Variants in PRR11 observed in about 807,000 individuals in gnomAD.
PRR11 encodes the protein proline rich 11.
Under a neutral mutation model 45.6 loss-of-function variants are expected in PRR11, and 30 were observed. The ratio of observed to expected loss-of-function variants is 0.66; its 90% CI spans 0.49 to 0.89. The LOEUF (loss-of-function observed/expected upper bound fraction) is 0.89. Among genes scored for constraint, PRR11 ranks in the 40% least tolerant of loss-of-function variants. The probability of loss-of-function intolerance (pLI) is 0.00; values close to 1 mark genes in which losing one functional copy is unlikely to be tolerated. For synonymous variants in PRR11, 128 were observed against 153.5 expected (o/e 0.83, Z 1.23); for missense variants, 373 against 424.8 (o/e 0.88, Z 1.07).
At chr17:59,171,501 GA>G (rs1318117405) in intron 2 of PRR11, among the ~76,000 whole-genome samples, 1 of 152,014 alleles carries the variant, frequency 6.6e-6, no homozygotes, top group Non-Finnish European at 1.5e-5. Flanking sequence ...AAAGATTTAG[GA>G]TAAAAAGAAT....
intron 1 of PRR11, among the ~76,000 whole-genome samples, chr17:59,161,581 T>G (rs1307091353): frequency 6.6e-6 from 1 of 151,764 alleles, no homozygotes; most frequent in African/African-American, 2.4e-5. Flanking sequence ...AAACCCTGTC[T>G]CAACTAAAAA....
intron 2 of PRR11, among the ~76,000 whole-genome samples, chr17:59,176,684 CTTTTTTTTTTTTTTTTT>C (rs71367676): frequency 2.6e-4 from 10 of 39,002 alleles, no homozygotes; most frequent in Non-Finnish European, 2.2e-4. Context: ...GTTTTTTTGG[CTTTTTTTTTTTTTTTTT>C]TTTTTTTTTT....
intron 2 of PRR11, chr17:59,179,788 C>T (rs1332113507): frequency 3.7e-6 from 5 of 1,366,894 alleles, no homozygotes; most frequent in African/African-American, 1.4e-5. Flanking sequence ...TCTCTGGCTC[C>T]TCCTCCGATG....
chr17:59,183,040 G>A (rs1213366729), intron 2 of PRR11, among the ~76,000 whole-genome samples: 1 of 152,196 alleles, frequency 6.6e-6, no homozygotes, highest in Non-Finnish European at 1.5e-5. Flanking sequence ...TGCCCATGGA[G>A]TCCAGTCCTT....
At chr17:59,194,439 T>C (rs933681239) in intron 5 of PRR11, among the ~76,000 whole-genome samples, 1 of 152,170 alleles carries the variant, frequency 6.6e-6, no homozygotes, top group Non-Finnish European at 1.5e-5. Flanking sequence ...GATTAACTCC[T>C]TCAACTCTTG....
At chr17:59,196,837 G>A (rs192472794) in intron 7 of PRR11, among the ~76,000 whole-genome samples, 1 of 151,892 alleles carries the variant, frequency 6.6e-6, no homozygotes, top group Non-Finnish European at 1.5e-5. Context: ...TGTTCCCATC[G>A]GCATCTACTG....
intron 2 of PRR11, among the ~76,000 whole-genome samples, chr17:59,173,484 G>A (rs188724707): frequency 6.6e-6 from 1 of 152,202 alleles, no homozygotes; most frequent in Non-Finnish European, 1.5e-5. Context: ...TCTGAAGCCA[G>A]TGAGACCACG....
intron 2 of PRR11, 120 bp from the exon 3 acceptor site, chr17:59,184,934 C>A: frequency 1.7e-6 from 1 of 605,550 alleles, no homozygotes; most frequent in Non-Finnish European, 2.5e-6. Context: ...TGGTCTCAAG[C>A]AATCTCCTCA....
rs1405381049 is a variant in PRR11 at position 59,202,755 on chromosome 17, T to C, written c.*1124T>C. ...TTCGACAATGCCTTGCCAAGGAATC[T>C]CTGAAGTCCATAGCAGGTCACTGTG... On this transcript the variant is annotated 3_prime_UTR_variant, in exon 10 of 10. Transcript: ENST00000262293. The C allele has an allele frequency of 6.6e-6, 1 of 152,186 alleles. No individual in the cohort carries two copies. The highest frequency in any genetic ancestry group is 1.5e-5 in the Non-Finnish European group (1 of 68,044). 9.4% of individuals were successfully genotyped at this position (152,186 alleles called of 1,614,324 possible).
intron 9 of PRR11, among the ~76,000 whole-genome samples, chr17:59,198,715 T>C (rs1298971671): frequency 6.6e-6 from 1 of 151,566 alleles, no homozygotes; most frequent in Non-Finnish European, 1.5e-5. Flanking sequence ...CTCGTGCCTG[T>C]AATCCCGGCT....
At chr17:59,187,634 G>C (rs1183109066) in intron 4 of PRR11, among the ~76,000 whole-genome samples, 1 of 152,062 alleles carries the variant, frequency 6.6e-6, no homozygotes, top group Non-Finnish European at 1.5e-5. Context: ...GGAGGCCGAG[G>C]TGGGCAGATC....
intron 2 of PRR11, among the ~76,000 whole-genome samples, chr17:59,171,247 A>G (rs996777323): frequency 6.6e-6 from 1 of 152,098 alleles, no homozygotes; most frequent in Non-Finnish European, 1.5e-5. Context: ...TGGGAGAAAG[A>G]GCGAGACTCC....
chr17:59,178,126 G>A (rs2046759045), intron 2 of PRR11, among the ~76,000 whole-genome samples: 1 of 152,026 alleles, frequency 6.6e-6, no homozygotes, highest in Non-Finnish European at 1.5e-5. Flanking sequence ...CTGAGGTCAG[G>A]TGTTCAAGAC....
intron 1 of PRR11, among the ~76,000 whole-genome samples, chr17:59,157,425 G>A (rs1599687274): frequency 6.6e-6 from 1 of 152,246 alleles, no homozygotes; most frequent in East Asian, 1.9e-4. Context: ...AAGGAGGCTG[G>A]GCATGGTGCC....
At chr17:59,191,376 G>A (rs1388354854) in intron 4 of PRR11, among the ~76,000 whole-genome samples, 4 of 151,600 alleles carry the variant, frequency 2.6e-5, no homozygotes, top group Admixed American at 6.6e-5. Context: ...CCACCACCAC[G>A]CCTCGCTAAT....
intron 4 of PRR11, among the ~76,000 whole-genome samples, chr17:59,189,136 T>TA (rs1163718547): frequency 1.3e-5 from 2 of 150,932 alleles, no homozygotes; most frequent in East Asian, 4.0e-4. Flanking sequence ...CCCTCTCTAC[T>TA]AAAAAACACA....
chr17:59,160,491 G>C (rs138244192), intron 1 of PRR11, among the ~76,000 whole-genome samples: 1 of 151,976 alleles, frequency 6.6e-6, no homozygotes, highest in Non-Finnish European at 1.5e-5. Context: ...GTCTGGTCTC[G>C]AACTTGACCT....
At chr17:59,195,268 A>G (rs2046860203) in intron 6 of PRR11, 63 bp from the exon 7 acceptor site, 2 of 1,305,400 alleles carry the variant, frequency 1.5e-6, no homozygotes, top group Admixed American at 1.7e-5. Context: ...CCGTTTTTGC[A>G]TGTTTACATT....
In PRR11 at chr17:59,179,770, G is replaced by A. The variant is rs554874940; in HGVS notation, c.129-5284G>A. 17 of 1,382,814 alleles carry A rather than the reference G, an allele frequency of 1.2e-5. 1 individual carries two copies. Among genetic ancestry groups the A allele is most frequent in the East Asian group, 9.7e-5 (4 of 41,352 alleles). 85.7% of individuals were successfully genotyped at this position (1,382,814 alleles called of 1,614,324 possible). ...CCCAGGTCTCCTCAGGCTCAGGGGCGAGCTCCTTCTCTGGCTCCTCCTCCG... is the reference window on the plus strand; with the variant it reads ...CCCAGGTCTCCTCAGGCTCAGGGGCAAGCTCCTTCTCTGGCTCCTCCTCCG... On this transcript the variant is annotated intron_variant, in intron 2 of 9. Transcript: ENST00000262293.
Sources: allele counts gnomAD v4.1 joint callset (sites outside exome capture counted in the v4.1 genomes callset), GRCh38; gene constraint gnomAD v4.1.1; transcripts MANE v1.5; gene names NCBI Gene and HGNC (gene_info 2026-07-23, HGNC 2026-07-21).